The following CCDC85A variants were observed in gnomAD, a reference collection of about 807,000 sequenced individuals.
CCDC85A encodes the protein coiled-coil domain-containing protein 85A.
In CCDC85A, 38 loss-of-function variants were observed where a neutral mutation model predicts 50.2. That is an observed-to-expected ratio of 0.76 (90% CI 0.58 to 0.99). The LOEUF (loss-of-function observed/expected upper bound fraction) is 0.99. Ranked by LOEUF, CCDC85A falls within the 50% of genes least tolerant of loss-of-function variation. The pLI is 0.00. For synonymous variants in CCDC85A, 366 were observed against 301.4 expected, an observed-to-expected ratio of 1.21 and a Z score of -2.22; for missense variants, 820 against 742.0, an observed-to-expected ratio of 1.11 and a Z score of -1.22.
intron 2 of CCDC85A, among the ~76,000 whole-genome samples, chr2:56,243,698 A>G (rs1669373241): frequency 6.6e-6 from 1 of 152,062 alleles, no homozygotes; most frequent in Non-Finnish European, 1.5e-5. Context: ...ATGTTTGTAG[A>G]TGTTCGACAT....
At chr2:56,277,060 C>A (rs780887908) in intron 2 of CCDC85A, among the ~76,000 whole-genome samples, 49 of 152,152 alleles carry the variant, frequency 3.2e-4, no homozygotes, top group Non-Finnish European at 1.5e-4. Context: ...TCTCTGAGGC[C>A]GCAGAGTCCT....
chr2:56,193,730 G>A (rs939624886), intron 2 of CCDC85A, among the ~76,000 whole-genome samples: 9 of 152,112 alleles, frequency 5.9e-5, no homozygotes, highest in African/African-American at 2.2e-4. Context: ...AAATCTTTGG[G>A]TATTGGTGAT....
At chr2:56,335,688 G>C (rs1320726058) in intron 2 of CCDC85A, among the ~76,000 whole-genome samples, 2 of 151,110 alleles carry the variant, frequency 1.3e-5, no homozygotes, top group African/African-American at 4.9e-5. Flanking sequence ...TGCAACCACT[G>C]CCTCCCAGGA....
In CCDC85A at chr2:56,220,064, A is replaced by G. The variant is rs572873476; in HGVS notation, c.1240+26624A>G. 4.6e-5 allele frequency among the ~76,000 whole-genome samples: 7 copies of G among 152,118 alleles called. No homozygotes were observed. In the East Asian group the frequency reaches 1.4e-3, roughly 30 times the overall value. ...AATCTAGAGACAAATGTGATTTGCC[A>G]GGTAGAGAAGACAAGGTCATTGGTG... is the stretch of plus-strand genomic sequence containing the variant. On this transcript the variant is annotated intron_variant, in intron 2 of 5. Transcript: ENST00000407595.
rs752612593 is a variant in CCDC85A, at chr2:56,372,384, C to A, written c.1358C>A (p.Ser453Ter). 3.1e-6 allele frequency: 5 copies of A among 1,596,488 alleles called. No individual in the cohort carries two copies. In the African/African-American group the frequency reaches 6.7e-5, roughly 21 times the overall value. Residue 453 changes from serine to a stop codon, truncating the protein, a stop_gained, in exon 4 of 6, where the codon TCA becomes TAA. Transcript: ENST00000407595. LOFTEE classifies it high-confidence loss of function. The stretch of plus-strand genomic sequence containing the variant: ...AGGCAACCTCCAACTAGAAACAGCT[C>A]AAATATGGAGAAAGGCTGGGGGTCC... The part of the protein sequence containing the change: ...NRRQPPTRNS[S>*]NMEKGWGSRA...
rs775387926 is a variant in CCDC85A at position 56,192,470 on chromosome 2, T to C, written c.277-7T>C. ...CTTCCCTTGAATGGTTGTGTCTCTC[T>C]TTTCAGGATATCAACCAGAAACTCC... On this transcript the variant is annotated splice_region_variant and splice_polypyrimidine_tract_variant and intron_variant, in intron 1 of 5. Coordinates refer to ENST00000407595, the MANE Select transcript of CCDC85A (RefSeq NM_001080433.2). This position sits in a 1 kb window ranked among gnomAD's most constrained non-coding sequence, Gnocchi z 4.7. 7.5e-6 allele frequency: 12 copies of C among 1,601,518 alleles called. No homozygotes were observed. In the Admixed American group the frequency reaches 2.0e-4, roughly 27 times the overall value.
chr2:56,380,587 G>C (rs949426368), intron 5 of CCDC85A, among the ~76,000 whole-genome samples: 7 of 150,088 alleles, frequency 4.7e-5, no homozygotes, highest in Non-Finnish European at 8.9e-5. Flanking sequence ...CAACAGGATA[G>C]ACAAATAGAA....
intron 2 of CCDC85A, among the ~76,000 whole-genome samples, chr2:56,299,544 G>T (rs937765193): frequency 6.6e-6 from 1 of 152,086 alleles, no homozygotes; most frequent in Non-Finnish European, 1.5e-5. Flanking sequence ...TTCCTGGCAC[G>T]TTGGCTGATA....
At chr2:56,372,751 G>A (rs1267998341) in intron 4 of CCDC85A, among the ~76,000 whole-genome samples, 1 of 152,198 alleles carries the variant, frequency 6.6e-6, no homozygotes, top group Non-Finnish European at 1.5e-5. Flanking sequence ...GATAAAAGGA[G>A]TTTAGGTCAG....
chr2:56,301,941 G>A (rs904600481), intron 2 of CCDC85A, among the ~76,000 whole-genome samples: 5 of 152,148 alleles, frequency 3.3e-5, no homozygotes, highest in African/African-American at 1.2e-4. Context: ...ATGTATTTCA[G>A]AACTTAAAGT....
chr2:56,292,301 T>C (rs1671749334), intron 2 of CCDC85A, among the ~76,000 whole-genome samples: 1 of 152,226 alleles, frequency 6.6e-6, no homozygotes, highest in South Asian at 2.1e-4. Flanking sequence ...GCCAGGATGG[T>C]CTCAATCTCC....
At chr2:56,228,471 T>A (rs1668634746) in intron 2 of CCDC85A, among the ~76,000 whole-genome samples, 1 of 152,128 alleles carries the variant, frequency 6.6e-6, no homozygotes, top group Non-Finnish European at 1.5e-5. Flanking sequence ...ATTAGTATTT[T>A]CATGCAATAA....
chr2:56,306,138 C>CTTTTTTTTTTTTTTT (rs146490243), intron 2 of CCDC85A, among the ~76,000 whole-genome samples: 6 of 151,654 alleles, frequency 4.0e-5, no homozygotes, highest in African/African-American at 1.5e-4. Flanking sequence ...GTATGAGATC[C>CTTTTTTTTTTTTTTT]TTTTTTTTGA....
At chr2:56,337,661 A>G (rs1674141077) in intron 2 of CCDC85A, among the ~76,000 whole-genome samples, 1 of 152,140 alleles carries the variant, frequency 6.6e-6, no homozygotes, top group African/African-American at 2.4e-5. Flanking sequence ...AACTACTGCC[A>G]ATGTTGATTT....
rs1328432356 is a variant in CCDC85A at position 56,342,960 on chromosome 2, G to GT, written c.1317+6dup. On this transcript the variant is annotated splice_donor_region_variant and intron_variant, in intron 3 of 5. Transcript: ENST00000407595. ...GAAAATCGCATGCTGCCCCAGGTGGGTGACTTCCAGAAGCTCATAGCTAGT... is the reference window on the plus strand; with the variant it reads ...GAAAATCGCATGCTGCCCCAGGTGGGTTGACTTCCAGAAGCTCATAGCTAGT... 6.3e-7 allele frequency: 1 copy of GT among 1,582,592 alleles called. No individual in the cohort carries two copies. Among genetic ancestry groups the GT allele is most frequent in the African/African-American group, 1.3e-5 (1 of 74,152 alleles).
At chr2:56,319,411 A>G (rs1673064665) in intron 2 of CCDC85A, among the ~76,000 whole-genome samples, 1 of 152,096 alleles carries the variant, frequency 6.6e-6, no homozygotes, top group South Asian at 2.1e-4. Flanking sequence ...TGGTTCTTAA[A>G]GAAGCATAAA....
At chr2:56,314,857 T>G (rs1413943893) in intron 2 of CCDC85A, among the ~76,000 whole-genome samples, 1 of 152,136 alleles carries the variant, frequency 6.6e-6, no homozygotes, top group Non-Finnish European at 1.5e-5. Flanking sequence ...CTACTGCTGT[T>G]TGGAGTTTCC....
intron 3 of CCDC85A, among the ~76,000 whole-genome samples, chr2:56,371,377 C>T (rs1024665437): frequency 2.6e-5 from 4 of 151,882 alleles, no homozygotes; most frequent in African/African-American, 9.7e-5. Context: ...CAGATATAGG[C>T]CGCTAACTTC....
intron 3 of CCDC85A, among the ~76,000 whole-genome samples, chr2:56,349,246 A>T (rs926523177): frequency 1.3e-5 from 2 of 152,184 alleles, no homozygotes; most frequent in African/African-American, 4.8e-5. Flanking sequence ...CTACCAAATG[A>T]ATAGTGCTTA....
Sources: allele counts gnomAD v4.1 joint callset (sites outside exome capture counted in the v4.1 genomes callset), GRCh38; gene constraint gnomAD v4.1.1; non-coding constraint Gnocchi (gnomAD v3.1); transcripts MANE v1.5; gene names NCBI Gene and HGNC (gene_info 2026-07-23, HGNC 2026-07-21).